The following NDUFB3 variants were observed in gnomAD, a reference collection of about 807,000 sequenced individuals.
NDUFB3 encodes NADH:ubiquinone oxidoreductase subunit B3.
In NDUFB3, 7 loss-of-function variants were observed where a neutral mutation model predicts 9.0. That is an observed-to-expected ratio of 0.78 (90% CI 0.44 to 1.46). The LOEUF (loss-of-function observed/expected upper bound fraction) is 1.46, where lower values mean the gene tolerates loss of function less well. Among genes scored for constraint, NDUFB3 ranks in the 40% most tolerant of loss-of-function variants. The pLI is 0.01. For missense variants in NDUFB3, 93 were observed against 115.4 expected, an observed-to-expected ratio of 0.81 and a Z score of 0.89; for synonymous variants, 29 against 38.5, an observed-to-expected ratio of 0.75 and a Z score of 0.91.
Position 201,084,265 on chromosome 2 carries a change from A to G in NDUFB3, c.141-1194A>G, listed in dbSNP as rs191892698. Among the ~76,000 whole-genome samples, 1,165 of 151,444 alleles carry G rather than the reference A, an allele frequency of 7.7e-3. 27 individuals are homozygous for G. The South Asian group carries it at 0.088, about 11-fold the overall frequency. ...AGATCGTACCATCGCACTCCAGCCC[A>G]GGCGACAGTGCGAGACTCCATCTCA... On this transcript the variant is annotated intron_variant, in intron 2 of 2. Transcript: ENST00000237889.
At chr2:201,083,351 C>CTTTTTT (rs748310803) in intron 2 of NDUFB3, among the ~76,000 whole-genome samples, 3 of 119,982 alleles carry the variant, frequency 2.5e-5, no homozygotes, top group Non-Finnish European at 3.4e-5. Context: ...TTTATTATTT[C>CTTTTTT]TTTTTTTTTT....
intron 1 of NDUFB3, among the ~76,000 whole-genome samples, chr2:201,074,468 T>G (rs1024515655): frequency 6.8e-6 from 1 of 147,984 alleles, no homozygotes; most frequent in Non-Finnish European, 1.5e-5. Context: ...TTTTTTTTTT[T>G]TTTTTTGAGA....
In NDUFB3 at chr2:201,072,055, G is replaced by C. The variant is rs1047404584; in HGVS notation, c.-7G>C. 6.6e-6 allele frequency: 1 copy of C among 152,240 alleles called. No homozygotes were observed. Among genetic ancestry groups the C allele is most frequent in the African/African-American group, 2.4e-5 (1 of 41,440 alleles). 9.4% of individuals were successfully genotyped at this position (152,240 alleles called of 1,614,324 possible). On this transcript the variant is annotated 5_prime_UTR_variant, in exon 1 of 3. Coordinates refer to ENST00000237889, the MANE Select transcript of NDUFB3 (RefSeq NM_002491.3). The stretch of plus-strand genomic sequence containing the variant: ...GAGTGTCCTGAGAGGTCAGATTGCT[G>C]TCAGGTAAATTAGGGAGTTGGTGGG...
chr2:201,079,376 C>G (rs898545379), intron 2 of NDUFB3, among the ~76,000 whole-genome samples: 1 of 152,038 alleles, frequency 6.6e-6, no homozygotes, highest in Non-Finnish European at 1.5e-5. Context: ...ATCTCCTGAC[C>G]TCGTGATCCA....
chr2:201,078,129 C>A (rs926393389), intron 1 of NDUFB3, among the ~76,000 whole-genome samples: 3 of 152,016 alleles, frequency 2.0e-5, no homozygotes, highest in Non-Finnish European at 4.4e-5. Flanking sequence ...GGTGAAACCC[C>A]GTCTCCACTA....
rs78206648 is a variant in NDUFB3 at position 201,085,444 on chromosome 2, T to C, written c.141-15T>C. ...CGTTGTGTATGATTATAATTTTTTCTTTTTTTTTTTCTAGCAATGAAGCTT... is the reference window on the plus strand; with the variant it reads ...CGTTGTGTATGATTATAATTTTTTCCTTTTTTTTTTCTAGCAATGAAGCTT... On this transcript the variant is annotated splice_polypyrimidine_tract_variant and intron_variant, in intron 2 of 2. Coordinates refer to ENST00000237889, the MANE Select transcript of NDUFB3 (RefSeq NM_002491.3). The C allele has an allele frequency of 1.0e-6, 1 of 962,868 alleles. No homozygotes were observed. The highest frequency in any genetic ancestry group is 1.4e-6 in the Non-Finnish European group (1 of 709,416). 59.6% of individuals were successfully genotyped at this position (962,868 alleles called of 1,614,324 possible).
intron 2 of NDUFB3, among the ~76,000 whole-genome samples, chr2:201,083,005 G>A (rs772275412): frequency 6.6e-6 from 1 of 152,062 alleles, no homozygotes; most frequent in Non-Finnish European, 1.5e-5. Context: ...GAGCCACCGC[G>A]CCCGGCCGCT....
At chr2:201,075,294 C>T (rs1209897023) in intron 1 of NDUFB3, among the ~76,000 whole-genome samples, 2 of 151,708 alleles carry the variant, frequency 1.3e-5, no homozygotes, top group African/African-American at 2.4e-5. Flanking sequence ...AGCCGGGCAC[C>T]GTGGCTCATG....
chr2:201,080,777 C>T (rs1363613242), intron 2 of NDUFB3, among the ~76,000 whole-genome samples: 5 of 144,456 alleles, frequency 3.5e-5, no homozygotes, highest in Admixed American at 7.2e-5. Context: ...CAATCTGGCT[C>T]GCTGCCAGCT....
chr2:201,075,471 C>A (rs1297760670), intron 1 of NDUFB3, among the ~76,000 whole-genome samples: 1 of 145,640 alleles, frequency 6.9e-6, no homozygotes, highest in African/African-American at 2.6e-5. Flanking sequence ...GAGGCTGAGG[C>A]AGGAGAATTG....
rs559049217 is a variant in NDUFB3, at chr2:201,075,507, A to C, written c.-2-3374A>C. ...CTTGAACCTGGGAGTCACAGGTTGC[A>C]GTGAGCCAAGATTGCGCCACTGTAC... On this transcript the variant is annotated intron_variant, in intron 1 of 2. Coordinates refer to ENST00000237889, the MANE Select transcript of NDUFB3 (RefSeq NM_002491.3). Among the ~76,000 whole-genome samples the C allele has an allele frequency of 4.8e-5, 7 of 146,548 alleles. No individual in the cohort carries two copies. The East Asian group carries it at 1.5e-3, about 31-fold the overall frequency.
chr2:201,085,702 T>C lies in NDUFB3; in HGVS notation c.*87T>C. On this transcript the variant is annotated 3_prime_UTR_variant, in exon 3 of 3. Coordinates refer to ENST00000237889, the MANE Select transcript of NDUFB3 (RefSeq NM_002491.3). ...TAGCCTACTTGTCTGGTTTATCCCT[T>C]ACAGAATATTAGTAAGATTTAATCA... 9.3e-7 allele frequency: 1 copy of C among 1,073,006 alleles called. No homozygotes were observed. The highest frequency in any genetic ancestry group is 1.3e-6 in the Non-Finnish European group (1 of 760,576). 66.5% of individuals were successfully genotyped at this position (1,073,006 alleles called of 1,614,324 possible). A position where few individuals can be genotyped will look rare whatever the true frequency, so the allele number is the denominator to read the frequency against.
At chr2:201,082,780 C>T (rs2125537971) in intron 2 of NDUFB3, among the ~76,000 whole-genome samples, 1 of 137,974 alleles carries the variant, frequency 7.2e-6, no homozygotes, top group East Asian at 2.3e-4. Context: ...GTGGCGCAAT[C>T]TCGGCTCACT....
intron 2 of NDUFB3, among the ~76,000 whole-genome samples, chr2:201,080,967 T>C (rs1327382477): frequency 6.6e-6 from 1 of 151,816 alleles, no homozygotes; most frequent in Non-Finnish European, 1.5e-5. Context: ...CCTCCCAAAG[T>C]GCTGGGATTA....
chr2:201,083,613 C>G (rs775810240), intron 2 of NDUFB3, among the ~76,000 whole-genome samples: 34 of 152,180 alleles, frequency 2.2e-4, no homozygotes, highest in Non-Finnish European at 4.0e-4. Context: ...TCCCAAAGTG[C>G]TGGGATTACA....
intron 1 of NDUFB3, among the ~76,000 whole-genome samples, chr2:201,076,917 A>G (rs939292457): frequency 6.6e-6 from 1 of 152,070 alleles, no homozygotes; most frequent in Non-Finnish European, 1.5e-5. Flanking sequence ...CCTGACCAAC[A>G]TGGGGAAACT....
chr2:201,085,152 T>G (rs2047276110), intron 2 of NDUFB3, among the ~76,000 whole-genome samples: 1 of 152,238 alleles, frequency 6.6e-6, no homozygotes, highest in Admixed American at 6.5e-5. Flanking sequence ...ATGACTAGTG[T>G]GGGCAGAGCC....
chr2:201,083,643 A>G (rs1474166184), intron 2 of NDUFB3, among the ~76,000 whole-genome samples: 2 of 151,784 alleles, frequency 1.3e-5, no homozygotes, highest in Non-Finnish European at 2.9e-5. Context: ...CACCGTGCCC[A>G]TCCTGTTATT....
At chr2:201,080,992 C>T (rs537271630) in intron 2 of NDUFB3, among the ~76,000 whole-genome samples, 1 of 151,950 alleles carries the variant, frequency 6.6e-6, no homozygotes, top group African/African-American at 2.4e-5. Context: ...CATGAGCCAC[C>T]GTGCCCAGCC....
Sources: allele counts gnomAD v4.1 joint callset (sites outside exome capture counted in the v4.1 genomes callset), GRCh38; gene constraint gnomAD v4.1.1; transcripts MANE v1.5; gene names NCBI Gene and HGNC (gene_info 2026-07-23, HGNC 2026-07-21).